Variants in MYO1B observed in about 807,000 individuals in gnomAD.
The protein encoded by MYO1B is myosin IB, also known as unconventional myosin-Ib.
A neutral mutation model predicts 159.7 loss-of-function variants in MYO1B; 72 were observed. The observed-to-expected ratio is 0.45, with a 90% CI of 0.37 to 0.55. The LOEUF is 0.55. Among genes scored for constraint, MYO1B ranks in the 20% least tolerant of loss-of-function variants. MYO1B has a pLI of 0.00. For missense variants in MYO1B, 1,062 were observed against 1,364.8 expected (o/e 0.78, Z 3.50); for synonymous variants, 468 against 473.8 (o/e 0.99, Z 0.16).
In MYO1B at chr2:191,274,132, TAAACA is replaced by T. The variant is rs374710370; in HGVS notation, c.-9-2747_-9-2743del. Among the ~76,000 whole-genome samples the T allele has an allele frequency of 9.6e-3, 1,460 of 152,288 alleles. 12 individuals carry two copies. Among genetic ancestry groups the T allele is most frequent in the Middle Eastern group, 0.034 (10 of 294 alleles). ...CCAGTGTCCCTAAATGCTAAAAAGA[TAAACA>T]AAACAAAGCAAAACTGTTTGCATGA... On this transcript the variant is annotated intron_variant, in intron 1 of 30. Coordinates refer to ENST00000392318, the MANE Select transcript of MYO1B (RefSeq NM_001130158.3).
rs1452395466 is a variant in MYO1B at position 191,371,237 on chromosome 2, G to A, written c.1185+945G>A. Reference sequence around the variant, plus strand: ...GAATTTCTTTAAGGAACCAGGCTCTGCCCAGAATGTTCCCAAAGAATTTAC... The same window carrying A: ...GAATTTCTTTAAGGAACCAGGCTCTACCCAGAATGTTCCCAAAGAATTTAC... On this transcript the variant is annotated intron_variant, in intron 13 of 30. Coordinates refer to ENST00000392318, the MANE Select transcript of MYO1B (RefSeq NM_001130158.3). Among the ~76,000 whole-genome samples the A allele has an allele frequency of 3.3e-5, 5 of 152,210 alleles. No individual in the cohort carries two copies. The East Asian group carries it at 7.7e-4, about 24-fold the overall frequency.
chr2:191,410,723 T>C (rs1416929177), intron 26 of MYO1B, among the ~76,000 whole-genome samples: 1 of 152,200 alleles, frequency 6.6e-6, no homozygotes, highest in Non-Finnish European at 1.5e-5. Context: ...ATGCACAATA[T>C]TTTTACTGTG....
At chr2:191,263,290 T>C (rs1258413101) in intron 1 of MYO1B, 2 of 982,932 alleles carry the variant, frequency 2.0e-6, no homozygotes, top group African/African-American at 3.5e-5. Flanking sequence ...CTTAGTGTGT[T>C]CTCCCTGTCA....
intron 13 of MYO1B, among the ~76,000 whole-genome samples, chr2:191,372,879 C>CTTTTTTTTTT (rs34444520): frequency 1.1e-4 from 8 of 70,146 alleles, no homozygotes; most frequent in Admixed American, 6.9e-4. Flanking sequence ...GTTATATTTC[C>CTTTTTTTTTT]TTTTTTTTTT....
At chr2:191,323,765 C>G (rs1421006714) in intron 3 of MYO1B, among the ~76,000 whole-genome samples, 1 of 152,076 alleles carries the variant, frequency 6.6e-6, no homozygotes, top group Non-Finnish European at 1.5e-5. Flanking sequence ...CTTCAAATGA[C>G]TTATCTTGAT....
intron 2 of MYO1B, among the ~76,000 whole-genome samples, chr2:191,281,215 C>T (rs1024872263): frequency 3.9e-5 from 6 of 152,156 alleles, no homozygotes; most frequent in Non-Finnish European, 5.9e-5. Context: ...TCATAGCCAT[C>T]TGTGGCCTGG....
chr2:191,382,394 T>C (rs1398049235), intron 14 of MYO1B, among the ~76,000 whole-genome samples: 1 of 152,198 alleles, frequency 6.6e-6, no homozygotes, highest in African/African-American at 2.4e-5. Context: ...AAAAGCTAAA[T>C]CATAAATATT....
chr2:191,283,619 A>T (rs933695651), intron 2 of MYO1B, among the ~76,000 whole-genome samples: 2 of 152,350 alleles, frequency 1.3e-5, no homozygotes, highest in East Asian at 3.9e-4. Flanking sequence ...TTCATTTTAC[A>T]TATGAAGAAA....
At chr2:191,386,193 G>C (rs1001316352) in intron 16 of MYO1B, 109 bp downstream of exon 16, 1 of 977,788 alleles carries the variant, frequency 1.0e-6, no homozygotes, top group Non-Finnish European at 1.6e-6. Flanking sequence ...AGGACAAATT[G>C]AGCTGCTAAA....
At chr2:191,346,450 C>T (rs187037818) in intron 6 of MYO1B, among the ~76,000 whole-genome samples, 168 bp downstream of exon 6, 1 of 152,192 alleles carries the variant, frequency 6.6e-6, no homozygotes, top group Admixed American at 6.5e-5. Context: ...CTGGAATTTT[C>T]CTTTTGAATT....
chr2:191,373,830 A>G (rs1370880982), intron 13 of MYO1B, among the ~76,000 whole-genome samples: 4 of 152,232 alleles, frequency 2.6e-5, no homozygotes. Context: ...CATGCAGTAA[A>G]TAATTTTTCT....
intron 20 of MYO1B, 73 bp downstream of exon 20, chr2:191,393,295 T>C: frequency 6.6e-7 from 1 of 1,507,166 alleles, no homozygotes; most frequent in Non-Finnish European, 9.0e-7. Flanking sequence ...ACTTACCATG[T>C]ATGTGATTTT....
intron 24 of MYO1B, among the ~76,000 whole-genome samples, chr2:191,406,489 C>T (rs1696922537): frequency 6.6e-6 from 1 of 152,164 alleles, no homozygotes; most frequent in African/African-American, 2.4e-5. Flanking sequence ...TGTGACCCTT[C>T]CTTTCAGTTG....
chr2:191,316,292 G>C (rs967903656), intron 3 of MYO1B, among the ~76,000 whole-genome samples: 3 of 152,190 alleles, frequency 2.0e-5, no homozygotes, highest in African/African-American at 7.2e-5. Context: ...ACCTAGACTT[G>C]TTTGAATAGA....
intron 7 of MYO1B, among the ~76,000 whole-genome samples, chr2:191,356,961 A>G (rs1693333196): frequency 1.3e-5 from 2 of 152,232 alleles, no homozygotes. Context: ...AGTTTGAGTG[A>G]TAGCCTTTCA....
At chr2:191,307,472 C>T (rs1689718319) in intron 3 of MYO1B, among the ~76,000 whole-genome samples, 1 of 152,162 alleles carries the variant, frequency 6.6e-6, no homozygotes, top group Non-Finnish European at 1.5e-5. Flanking sequence ...CTTGGGCTGA[C>T]CTTCTCTCTC....
At chr2:191,338,400 A>T (rs1429979711) in intron 4 of MYO1B, among the ~76,000 whole-genome samples, 1 of 152,162 alleles carries the variant, frequency 6.6e-6, no homozygotes, top group Non-Finnish European at 1.5e-5. Flanking sequence ...GTGATTCTTA[A>T]TTTCAGTTTA....
chr2:191,369,766 TGTATA>T (rs1694243232), intron 12 of MYO1B, 138 bp downstream of exon 12: 1 of 680,372 alleles, frequency 1.5e-6, no homozygotes, highest in Admixed American at 2.8e-5. Context: ...GAGTGTACCA[TGTATA>T]AGATTGAAAT....
intron 13 of MYO1B, among the ~76,000 whole-genome samples, chr2:191,375,508 G>GATAGATAC (rs1463039738): frequency 1.8e-4 from 27 of 152,066 alleles, no homozygotes; most frequent in African/African-American, 5.8e-4. Flanking sequence ...TAGATAGATA[G>GATAGATAC]ATAGATGGAT....
Sources: allele counts gnomAD v4.1 joint callset (sites outside exome capture counted in the v4.1 genomes callset), GRCh38; gene constraint gnomAD v4.1.1; transcripts MANE v1.5; gene names NCBI Gene and HGNC (gene_info 2026-07-23, HGNC 2026-07-21).